The following RAPGEF6 variants were observed in gnomAD, a reference collection of about 807,000 sequenced individuals.
RAPGEF6 encodes Rap guanine nucleotide exchange factor 6, also known as PDZ domain containing guanine nucleotide exchange factor (GEF) 2.
RAPGEF6 carries 56 observed loss-of-function variants against 171.4 expected under a neutral mutation model. The observed-to-expected ratio is 0.33, with a 90% CI of 0.26 to 0.41. The LOEUF is 0.41. Among genes scored for constraint, RAPGEF6 ranks in the 10% least tolerant of loss-of-function variants. RAPGEF6 has a pLI of 1.00. For missense variants in RAPGEF6, 1,674 were observed against 1,921.4 expected, an observed-to-expected ratio of 0.87 and a Z score of 2.41; for synonymous variants, 692 against 650.1, an observed-to-expected ratio of 1.06 and a Z score of -0.98.
chr5:131,592,597 G>C (rs1763658353), intron 3 of RAPGEF6, 131 bp from the exon 4 acceptor site: 2 of 1,428,556 alleles, frequency 1.4e-6, no homozygotes, highest in African/African-American at 2.9e-5. Context: ...TGGAAATTTG[G>C]AATATTTTGC....
Position 131,427,177 on chromosome 5 carries a change from G to T in RAPGEF6, c.*89C>A. On this transcript the variant is annotated 3_prime_UTR_variant, in exon 28 of 28. Coordinates refer to ENST00000509018, the MANE Select transcript of RAPGEF6 (RefSeq NM_016340.6). ...TCTGGACTGGTTGTAGCAATGAGCT[G>T]TTCGTTAGCAATGGCCTGCAGAATC... 8.0e-7 allele frequency: 1 copy of T among 1,250,390 alleles called. No individual in the cohort carries two copies. The highest frequency in any genetic ancestry group is 1.2e-6 in the Non-Finnish European group (1 of 849,336). The allele number at this position is 1,250,390 out of a possible 1,614,324, so 77.5% of individuals were successfully genotyped here.
intron 1 of RAPGEF6, among the ~76,000 whole-genome samples, chr5:131,627,234 G>A (rs1765989147): frequency 6.6e-6 from 1 of 152,162 alleles, no homozygotes; most frequent in Non-Finnish European, 1.5e-5. Flanking sequence ...GAAGAACCTG[G>A]AGGACAAGAT....
chr5:131,427,408 C>T (rs950261760), intron 27 of RAPGEF6, 117 bp from the exon 28 acceptor site: 58 of 823,184 alleles, frequency 7.0e-5, no homozygotes, highest in Non-Finnish European at 8.7e-5. Flanking sequence ...AACATTGCAT[C>T]GAGGCCCAGA....
At chr5:131,576,393 A>G (rs558747671) in intron 4 of RAPGEF6, among the ~76,000 whole-genome samples, 10 of 152,314 alleles carry the variant, frequency 6.6e-5, no homozygotes, top group Admixed American at 1.3e-4. Context: ...CTACATGTCA[A>G]TATCTACACT....
chr5:131,582,900 G>T (rs1230512469), intron 4 of RAPGEF6, among the ~76,000 whole-genome samples: 1 of 152,172 alleles, frequency 6.6e-6, no homozygotes, highest in African/African-American at 2.4e-5. Context: ...GGTTAAACAT[G>T]CATCGACCAT....
intron 4 of RAPGEF6, among the ~76,000 whole-genome samples, chr5:131,585,337 T>C (rs868704745): frequency 2.4e-4 from 31 of 127,044 alleles, no homozygotes; most frequent in African/African-American, 6.7e-4. Context: ...TACATACATA[T>C]ATATCTCCAT....
At chr5:131,554,776 C>A (rs957828268) in intron 5 of RAPGEF6, among the ~76,000 whole-genome samples, 1 of 152,070 alleles carries the variant, frequency 6.6e-6, no homozygotes, top group Non-Finnish European at 1.5e-5. Context: ...CTTGGCCTCC[C>A]GAAGTGCTGG....
At chr5:131,612,027 T>C (rs1161328669) in intron 1 of RAPGEF6, among the ~76,000 whole-genome samples, 3 of 151,992 alleles carry the variant, frequency 2.0e-5, no homozygotes, top group Non-Finnish European at 4.4e-5. Flanking sequence ...GACACTGAAT[T>C]ATGTTTCTGT....
At chr5:131,470,075 G>A (rs1754640137) in intron 17 of RAPGEF6, among the ~76,000 whole-genome samples, 1 of 151,930 alleles carries the variant, frequency 6.6e-6, no homozygotes, top group South Asian at 2.1e-4. Context: ...GGAATTAACT[G>A]GGAATTGATG....
intron 7 of RAPGEF6, among the ~76,000 whole-genome samples, chr5:131,511,943 G>T (rs150185401): frequency 5.3e-5 from 8 of 152,288 alleles, no homozygotes; most frequent in African/African-American, 1.9e-4. Flanking sequence ...AGATCTGGAA[G>T]CAGAGCATCC....
chr5:131,620,340 T>TA (rs1358454418), intron 1 of RAPGEF6, among the ~76,000 whole-genome samples: 1 of 152,222 alleles, frequency 6.6e-6, no homozygotes, highest in African/African-American at 2.4e-5. Context: ...CCACTAAACT[T>TA]AGATACTATA....
At chr5:131,456,045 A>T in intron 19 of RAPGEF6, 33 bp from the exon 20 acceptor site, 1 of 1,580,544 alleles carries the variant, frequency 6.3e-7, no homozygotes, top group Non-Finnish European at 8.7e-7. Context: ...CATTAAAAAG[A>T]AACTTGGGGA....
intron 4 of RAPGEF6, among the ~76,000 whole-genome samples, chr5:131,563,181 T>C (rs759059166): frequency 6.6e-6 from 1 of 152,072 alleles, no homozygotes; most frequent in Non-Finnish European, 1.5e-5. Flanking sequence ...TATGAAAATT[T>C]AGTGCCAGTG....
chr5:131,440,020 A>T (rs751227535), intron 23 of RAPGEF6: 1 of 413,924 alleles, frequency 2.4e-6, no homozygotes, highest in African/African-American at 2.0e-5. Context: ...CAATTGACAC[A>T]GTGATTTGAA....
chr5:131,481,605 G>A (rs1437947835), intron 15 of RAPGEF6, among the ~76,000 whole-genome samples: 1 of 152,102 alleles, frequency 6.6e-6, no homozygotes, highest in African/African-American at 2.4e-5. Context: ...GGTACATTTG[G>A]GAAATTACCT....
At chr5:131,527,957 G>C (rs995728635) in intron 6 of RAPGEF6, among the ~76,000 whole-genome samples, 25 of 149,286 alleles carry the variant, frequency 1.7e-4, no homozygotes, top group African/African-American at 5.5e-4. Flanking sequence ...AGAGCTTGCA[G>C]TGAGCCGAAA....
rs545021399 is a variant in RAPGEF6, at chr5:131,560,576, A to T, written c.351+1402T>A. Among the ~76,000 whole-genome samples, 16 of 152,346 alleles carry T rather than the reference A, an allele frequency of 1.1e-4. No individual in the cohort carries two copies. In the South Asian group the frequency reaches 3.3e-3, roughly 32 times the overall value. ...GTTTTCTTGCCATGTTCCTCAATAC[A>T]TACATTAAAAAGAAAGAATTCTGAG... On this transcript the variant is annotated intron_variant, in intron 5 of 27. Transcript: ENST00000509018.
At chr5:131,461,231 C>T (rs1753909747) in intron 19 of RAPGEF6, among the ~76,000 whole-genome samples, 1 of 152,136 alleles carries the variant, frequency 6.6e-6, no homozygotes, top group Non-Finnish European at 1.5e-5. Flanking sequence ...GCCTGGCAAA[C>T]AGGAAGAGCT....
intron 4 of RAPGEF6, among the ~76,000 whole-genome samples, chr5:131,565,780 T>C (rs914127092): frequency 5.3e-5 from 8 of 152,208 alleles, no homozygotes; most frequent in African/African-American, 1.9e-4. Context: ...AACAACCAGA[T>C]ATCAATACAG....
Sources: allele counts gnomAD v4.1 joint callset (sites outside exome capture counted in the v4.1 genomes callset), GRCh38; gene constraint gnomAD v4.1.1; transcripts MANE v1.5; gene names NCBI Gene and HGNC (gene_info 2026-07-23, HGNC 2026-07-21).